RADIL: variants seen among roughly 807,000 people sequenced by gnomAD.
RADIL encodes the protein ras-associating and dilute domain-containing protein.
In RADIL, 99 loss-of-function variants were observed where a neutral mutation model predicts 97.6. That is an observed-to-expected ratio of 1.01 (90% CI 0.86 to 1.20). The LOEUF (loss-of-function observed/expected upper bound fraction) is 1.20. Ranked by LOEUF, RADIL falls within the 50% of genes most tolerant of loss-of-function variation. The pLI is 0.00. For missense variants in RADIL, 1,765 were observed against 1,498.9 expected (o/e 1.18, Z -2.93); for synonymous variants, 803 against 691.8 (o/e 1.16, Z -2.52).
chr7:4,839,501 G>A (rs1783389936), intron 2 of RADIL, among the ~76,000 whole-genome samples: 1 of 152,134 alleles, frequency 6.6e-6, no homozygotes, highest in South Asian at 2.1e-4. Context: ...GGTGGCAGGG[G>A]AAGCCTAGGC....
intron 2 of RADIL, among the ~76,000 whole-genome samples, chr7:4,863,520 T>A (rs1289954571): frequency 1.3e-5 from 2 of 152,216 alleles, no homozygotes; most frequent in Non-Finnish European, 2.9e-5. Flanking sequence ...TTCCAGTAGA[T>A]GTTCTTGTAC....
intron 1 of RADIL, chr7:4,882,131 G>A (rs1784500531): frequency 1.3e-5 from 2 of 152,224 alleles, no homozygotes; most frequent in African/African-American, 2.4e-5. Flanking sequence ...GGGATTTTCA[G>A]AAAGCATTTC....
At chr7:4,857,669 G>GT (rs1325105141) in intron 2 of RADIL, 1 of 152,580 alleles carries the variant, frequency 6.6e-6, no homozygotes, top group Non-Finnish European at 1.5e-5. Flanking sequence ...TCAGAACAAT[G>GT]TAAGTACATC....
At chr7:4,803,028 G>A (rs28713727) in intron 11 of RADIL, among the ~76,000 whole-genome samples, 3 of 56,520 alleles carry the variant, frequency 5.3e-5, no homozygotes, top group Admixed American at 4.3e-4. Context: ...CTCAGGGCAC[G>A]CTGGCTGGGG....
chr7:4,881,935 G>C (rs2115058820), intron 1 of RADIL, among the ~76,000 whole-genome samples: 1 of 152,142 alleles, frequency 6.6e-6, no homozygotes, highest in Admixed American at 6.5e-5. Context: ...CAGAAATGTT[G>C]TTCCCCCCAC....
intron 2 of RADIL, among the ~76,000 whole-genome samples, chr7:4,875,373 A>G (rs1784352307): frequency 6.6e-6 from 1 of 151,820 alleles, no homozygotes; most frequent in Non-Finnish European, 1.5e-5. Context: ...AGCCTGGGCG[A>G]CAGAGAGAGA....
At chr7:4,816,810 C>T (rs1343458115) in intron 7 of RADIL, among the ~76,000 whole-genome samples, 1 of 152,110 alleles carries the variant, frequency 6.6e-6, no homozygotes, top group Non-Finnish European at 1.5e-5. Context: ...ACCACTCCCC[C>T]AGAAAGTGGC....
chr7:4,853,301 A>C (rs1783752456), intron 2 of RADIL, among the ~76,000 whole-genome samples: 2 of 152,244 alleles, frequency 1.3e-5, no homozygotes, highest in Admixed American at 6.5e-5. Flanking sequence ...ATATGTAAAT[A>C]AGTTTTCTCA....
intron 5 of RADIL, 46 bp downstream of exon 5, chr7:4,832,095 A>C (rs1242382562): frequency 6.2e-6 from 10 of 1,603,662 alleles, no homozygotes; most frequent in Non-Finnish European, 8.5e-6. Context: ...GTGAGCCCCC[A>C]GGACCTGCTG....
chr7:4,845,475 C>A (rs1783544263), intron 2 of RADIL, among the ~76,000 whole-genome samples: 1 of 152,136 alleles, frequency 6.6e-6, no homozygotes, highest in South Asian at 2.1e-4. Flanking sequence ...AATCCCATCT[C>A]TAATCGATCA....
At position 4,799,433 on chromosome 7, in the gene RADIL, G is replaced by A. The variant is rs1302005389; in HGVS notation, c.3173C>T (p.Ala1058Val). ...HGGKKMRFLV[A>V]KSDVETAKKI... ...CTTGGCTGTTTCCACGTCGGACTTCGCGACCAGGAACCGCATCTTCTTCCC... is the reference window on the plus strand; with the variant it reads ...CTTGGCTGTTTCCACGTCGGACTTCACGACCAGGAACCGCATCTTCTTCCC... The change falls in exon 15 of 15, where the codon GCG becomes GTG. Residue 1058 changes from alanine to valine, a missense_variant. Ala to Val is a moderately conservative substitution (Grantham distance 64). Transcript: ENST00000399583. 9 of 1,613,686 alleles carry A rather than the reference G, an allele frequency of 5.6e-6. No individual in the cohort carries two copies. Among genetic ancestry groups the A allele is most frequent in the African/African-American group, 1.3e-5 (1 of 74,898 alleles).
intron 2 of RADIL, among the ~76,000 whole-genome samples, chr7:4,856,405 C>T (rs189186878): frequency 1.0e-3 from 158 of 152,342 alleles, no homozygotes; most frequent in African/African-American, 3.7e-3. Context: ...CTACCGCACC[C>T]GGCCTGTTGA....
chr7:4,809,579 C>G (rs969096420), intron 9 of RADIL: 2 of 985,378 alleles, frequency 2.0e-6, no homozygotes, highest in Non-Finnish European at 2.4e-6. Flanking sequence ...TCCCGCCCCA[C>G]TTCCAGCCCT....
rs1465013331 is a variant in RADIL at position 4,798,739 on chromosome 7, C to G, written c.*639G>C. 2 of 153,040 alleles carry G rather than the reference C, an allele frequency of 1.3e-5. No homozygotes were observed. The highest frequency in any genetic ancestry group is 3.8e-4 in the East Asian group (2 of 5,206). 9.5% of individuals were successfully genotyped at this position (153,040 alleles called of 1,614,324 possible). A position where few individuals can be genotyped will look rare whatever the true frequency, so the allele number is the denominator to read the frequency against. ...AGGAACTCAGGAGGGAGCAGGAGTC[C>G]TGGGAGAGGAAGCAGGGCCCAGGGT... On this transcript the variant is annotated 3_prime_UTR_variant, in exon 15 of 15. Transcript: ENST00000399583.
chr7:4,819,118 C>G lies in RADIL; in HGVS notation c.1616-1767G>C, dbSNP rs372528089. On this transcript the variant is annotated intron_variant, in intron 6 of 14. Transcript: ENST00000399583. This position sits in a 1 kb window ranked among gnomAD's most constrained non-coding sequence, Gnocchi z 5.8. ...ACAGAGTCTCACTCTGTCGCCCAGG[C>G]TGGAGTGCAATGACACAATCCCAGC... Among the ~76,000 whole-genome samples the G allele has an allele frequency of 2.4e-4, 36 of 149,736 alleles. 1 individual carries two copies. The highest frequency in any genetic ancestry group is 8.4e-4 in the African/African-American group (34 of 40,320).
At chr7:4,826,741 A>G (rs1782992392) in intron 5 of RADIL, among the ~76,000 whole-genome samples, 1 of 152,032 alleles carries the variant, frequency 6.6e-6, no homozygotes, top group Non-Finnish European at 1.5e-5. Context: ...TCAAAAAAAA[A>G]AAACAAAAAA....
intron 9 of RADIL, among the ~76,000 whole-genome samples, chr7:4,812,798 T>C (rs1396252426): frequency 6.6e-6 from 1 of 152,226 alleles, no homozygotes; most frequent in African/African-American, 2.4e-5. Flanking sequence ...AGTTCACTGA[T>C]TTTTAGCTCT....
Position 4,853,059 on chromosome 7 carries a change from AC to A in RADIL, c.536-16455del, listed in dbSNP as rs1397189410. On this transcript the variant is annotated intron_variant, in intron 2 of 14. Transcript: ENST00000399583. ...GATGAGATTTTAGACTTGAAGTGAT[AC>A]TATAAGAGGATGAGACTGGGGGACC... 4.6e-5 allele frequency among the ~76,000 whole-genome samples: 7 copies of A among 152,078 alleles called. No homozygotes were observed. In the South Asian group the frequency reaches 8.3e-4, roughly 18 times the overall value.
In RADIL at chr7:4,817,270, G is replaced by A. The variant is rs770544310; in HGVS notation, c.1697C>T (p.Ala566Val). 20 of 1,612,594 alleles carry A rather than the reference G, an allele frequency of 1.2e-5. No individual in the cohort carries two copies. Among genetic ancestry groups the A allele is most frequent in the Non-Finnish European group, 1.7e-5 (20 of 1,179,708 alleles). ...GACATAGTAGACGCACTGCTGGAAG[G>A]CGTACAGCACCACCTCCTCCAGCAC... ...MAVLEEVVLY[A>V]FQQCVYYVSK... Residue 566 changes from alanine (A) to valine (V), a missense_variant, in exon 7 of 15, where the codon GCC (alanine) becomes GTC (valine). By Grantham distance (64) the Ala-to-Val change is moderately conservative. Coordinates refer to ENST00000399583, the MANE Select transcript of RADIL (RefSeq NM_018059.5). This position sits in a 1 kb window ranked among gnomAD's most constrained non-coding sequence, Gnocchi z 8.3.
Sources: gnomAD v4.1 joint callset for allele counts (sites outside exome capture counted in the v4.1 genomes callset) on GRCh38, gnomAD v4.1.1 for gene constraint, Gnocchi (gnomAD v3.1) non-coding constraint, MANE v1.5 for transcripts, NCBI Gene and HGNC (gene_info 2026-07-23, HGNC 2026-07-21) for gene names.